Variants in SLC22A3 observed in about 807,000 individuals in gnomAD.
The protein encoded by SLC22A3 is solute carrier family 22 member 3, also known as EMT organic cation transporter 3.
SLC22A3 carries 51 observed loss-of-function variants against 59.1 expected under a neutral mutation model. The observed-to-expected ratio is 0.86, with a 90% CI of 0.69 to 1.09. The LOEUF (loss-of-function observed/expected upper bound fraction) is 1.09, where lower values mean the gene tolerates loss of function less well. Among genes scored for constraint, SLC22A3 ranks in the 50% least tolerant of loss-of-function variants. The pLI is 0.00. For missense variants in SLC22A3, 711 were observed against 726.3 expected, an observed-to-expected ratio of 0.98 and a Z score of 0.24; for synonymous variants, 325 against 292.0, an observed-to-expected ratio of 1.11 and a Z score of -1.15.
chr6:160,414,938 C>T (rs762456426), intron 5 of SLC22A3, among the ~76,000 whole-genome samples: 1 of 152,116 alleles, frequency 6.6e-6, no homozygotes, highest in Admixed American at 6.6e-5. Context: ...CGCAGCTTAT[C>T]CAGAGTCTGC....
rs1786529077 is a variant in SLC22A3 at position 160,397,493 on chromosome 6, T to C, written c.430-486T>C. Among the ~76,000 whole-genome samples the C allele has an allele frequency of 2.6e-5, 4 of 152,048 alleles. No individual in the cohort carries two copies. In the South Asian group the frequency reaches 8.3e-4, roughly 32 times the overall value. ...GCTCACTCCTATAATCCCAGCACTT[T>C]GGGAGTTTGAGGTGGGCAGATTACG... On this transcript the variant is annotated intron_variant, in intron 1 of 10. Transcript: ENST00000275300.
intron 2 of SLC22A3, among the ~76,000 whole-genome samples, chr6:160,404,060 C>T (rs1786902658): frequency 6.6e-6 from 1 of 151,868 alleles, no homozygotes; most frequent in Non-Finnish European, 1.5e-5. Context: ...ATGCTAGAAG[C>T]CCTCGCTAAT....
chr6:160,370,199 A>G lies in SLC22A3; in HGVS notation c.429+21351A>G, dbSNP rs562616359. On this transcript the variant is annotated intron_variant, in intron 1 of 10. Transcript: ENST00000275300. The stretch of plus-strand genomic sequence containing the variant: ...TGCCTCATTTCTGCTGTATTCTGTC[A>G]GTTCCAGGAGAGTCACAAGCCCTTC... Among the ~76,000 whole-genome samples, 19 of 152,356 alleles carry G rather than the reference A, an allele frequency of 1.2e-4. No individual in the cohort carries two copies. In the South Asian group the frequency reaches 3.5e-3, roughly 28 times the overall value.
At chr6:160,395,426 C>G (rs536561842) in intron 1 of SLC22A3, among the ~76,000 whole-genome samples, 15 of 152,316 alleles carry the variant, frequency 9.8e-5, no homozygotes, top group African/African-American at 3.6e-4. Context: ...GCAAATTCTA[C>G]TGTTTGGGTT....
intron 1 of SLC22A3, among the ~76,000 whole-genome samples, chr6:160,389,019 C>A (rs1786135995): frequency 6.6e-6 from 1 of 152,234 alleles, no homozygotes; most frequent in East Asian, 1.9e-4. Flanking sequence ...TACCCCCAAA[C>A]CAAGGAGAGA....
At chr6:160,398,707 A>G (rs1786628690) in intron 2 of SLC22A3, among the ~76,000 whole-genome samples, 1 of 152,186 alleles carries the variant, frequency 6.6e-6, no homozygotes, top group Non-Finnish European at 1.5e-5. Context: ...GATGCTAGCT[A>G]TTGTATTCAT....
Position 160,451,738 on chromosome 6 carries a change from A to C in SLC22A3, c.*682A>C, listed in dbSNP as rs1788974018. On this transcript the variant is annotated 3_prime_UTR_variant, in exon 11 of 11. Transcript: ENST00000275300. ...GCAATAAGAACCAATCTGCTGTACA[A>C]TCTGAGGACTTGGCTCTGTTATTTA... 1 of 152,272 alleles carries C rather than the reference A, an allele frequency of 6.6e-6. No individual in the cohort carries two copies. Among genetic ancestry groups the C allele is most frequent in the South Asian group, 2.1e-4 (1 of 4,828 alleles). The allele number at this position is 152,272 out of a possible 1,614,324, so 9.4% of individuals were successfully genotyped here.
At chr6:160,424,654 G>C (rs1787882144) in intron 5 of SLC22A3, among the ~76,000 whole-genome samples, 1 of 152,132 alleles carries the variant, frequency 6.6e-6, no homozygotes, top group Non-Finnish European at 1.5e-5. Context: ...AGGGTGGATT[G>C]AGTGCTGTGA....
chr6:160,390,097 T>C (rs961640482), intron 1 of SLC22A3, among the ~76,000 whole-genome samples: 3 of 152,226 alleles, frequency 2.0e-5, no homozygotes, highest in Non-Finnish European at 4.4e-5. Flanking sequence ...TATACTTTTT[T>C]AAACAGACTC....
chr6:160,385,164 G>A (rs1016837545), intron 1 of SLC22A3, among the ~76,000 whole-genome samples: 2 of 152,204 alleles, frequency 1.3e-5, no homozygotes, highest in Non-Finnish European at 2.9e-5. Flanking sequence ...CATGAATTCA[G>A]GTTTTTAGTT....
intron 1 of SLC22A3, among the ~76,000 whole-genome samples, chr6:160,356,910 C>T (rs907949594): frequency 3.9e-5 from 6 of 152,038 alleles, no homozygotes; most frequent in African/African-American, 1.5e-4. Flanking sequence ...GGTAATAAAG[C>T]AAAATAACTC....
chr6:160,417,569 A>C (rs1244527219), intron 5 of SLC22A3, among the ~76,000 whole-genome samples: 1 of 152,118 alleles, frequency 6.6e-6, no homozygotes, highest in Non-Finnish European at 1.5e-5. Flanking sequence ...TGGTAGATTA[A>C]ATTACTGTTT....
chr6:160,376,328 A>G (rs1474868019), intron 1 of SLC22A3, among the ~76,000 whole-genome samples: 1 of 141,736 alleles, frequency 7.1e-6, no homozygotes. Flanking sequence ...AACAACACAC[A>G]CCGGGGCCTG....
intron 1 of SLC22A3, among the ~76,000 whole-genome samples, chr6:160,377,375 C>T (rs905588754): frequency 6.6e-6 from 1 of 151,920 alleles, no homozygotes; most frequent in African/African-American, 2.4e-5. Flanking sequence ...GTCCCAGCTA[C>T]TCAGGAGGCT....
intron 5 of SLC22A3, among the ~76,000 whole-genome samples, chr6:160,420,167 C>T (rs1411942541): frequency 6.6e-6 from 1 of 152,136 alleles, no homozygotes; most frequent in Non-Finnish European, 1.5e-5. Flanking sequence ...TCATTCAACA[C>T]CGAAAGATAT....
chr6:160,445,732 G>A (rs904240512), intron 9 of SLC22A3, among the ~76,000 whole-genome samples: 3 of 152,210 alleles, frequency 2.0e-5, no homozygotes, highest in African/African-American at 4.8e-5. Flanking sequence ...TGGGCACAGG[G>A]AGAAAGCATG....
intron 2 of SLC22A3, among the ~76,000 whole-genome samples, chr6:160,403,698 C>A (rs1786884237): frequency 6.6e-6 from 1 of 151,850 alleles, no homozygotes; most frequent in Admixed American, 6.6e-5. Flanking sequence ...TACACCACAA[C>A]CAAATACTGT....
chr6:160,403,553 G>A (rs551800500), intron 2 of SLC22A3, among the ~76,000 whole-genome samples: 66 of 151,994 alleles, frequency 4.3e-4, no homozygotes, highest in African/African-American at 1.5e-3. Flanking sequence ...TCTGAGACCA[G>A]CATTACTTTA....
At chr6:160,423,830 A>T (rs1050698002) in intron 5 of SLC22A3, among the ~76,000 whole-genome samples, 1 of 152,084 alleles carries the variant, frequency 6.6e-6, no homozygotes, top group South Asian at 2.1e-4. Flanking sequence ...GTTTAATTAG[A>T]TCCCATTTGT....
Sources: gnomAD v4.1 joint callset for allele counts (sites outside exome capture counted in the v4.1 genomes callset) on GRCh38, gnomAD v4.1.1 for gene constraint, MANE v1.5 for transcripts, NCBI Gene and HGNC (gene_info 2026-07-23, HGNC 2026-07-21) for gene names.